ABCC5: variants seen among roughly 807,000 people sequenced by gnomAD.
ABCC5 encodes ATP-binding cassette sub-family C member 5.
ABCC5 carries 61 observed loss-of-function variants against 160.9 expected under a neutral mutation model. That is an observed-to-expected ratio of 0.38 (90% CI 0.31 to 0.47). The LOEUF (loss-of-function observed/expected upper bound fraction) is 0.47. Ranked by LOEUF, ABCC5 falls within the 20% of genes least tolerant of loss-of-function variation. The pLI, the probability that ABCC5 is intolerant of heterozygous loss-of-function variation, is 0.99. For synonymous variants in ABCC5, 666 were observed against 700.6 expected, an observed-to-expected ratio of 0.95 and a Z score of 0.78; for missense variants, 1,308 against 1,813.3, an observed-to-expected ratio of 0.72 and a Z score of 5.06.
chr3:183,986,583 A>G (rs930260863), intron 5 of ABCC5: 6 of 152,214 alleles, frequency 3.9e-5, no homozygotes, highest in Non-Finnish European at 8.8e-5. Context: ...AGGGGAGCCA[A>G]TGAAGTTCTT....
At chr3:184,014,092 C>T (rs1234499859) in intron 2 of ABCC5, among the ~76,000 whole-genome samples, 172 bp downstream of exon 2, 1 of 152,118 alleles carries the variant, frequency 6.6e-6, no homozygotes, top group Non-Finnish European at 1.5e-5. Context: ...AGGCTGGTCT[C>T]GAACTCCTGA....
chr3:183,972,168 T>C, intron 10 of ABCC5: 1 of 684,388 alleles, frequency 1.5e-6, no homozygotes, highest in South Asian at 1.5e-5. Flanking sequence ...AATTACATGC[T>C]AAACTGCCTT....
Position 183,947,464 on chromosome 3 carries a change from T to TA in ABCC5, c.3273dup (p.Thr1092TyrfsTer61). The TA allele has an allele frequency of 6.2e-7, 1 of 1,605,274 alleles. No homozygotes were observed. Among genetic ancestry groups the TA allele is most frequent in the Admixed American group, 1.7e-5 (1 of 58,404 alleles). On this transcript the variant is annotated frameshift_variant, in exon 23 of 30. Transcript: ENST00000334444. LOFTEE classifies it high-confidence loss of function. ...ACAGCCAGCCACCGCATCGCACACG[T>TA]AAACAAAAAAAAAGGAGCTTGGTTG...
intron 8 of ABCC5, among the ~76,000 whole-genome samples, chr3:183,980,002 A>G (rs1479716673): frequency 6.6e-6 from 1 of 151,772 alleles, no homozygotes; most frequent in Admixed American, 6.6e-5. Context: ...CGGCCTCTTG[A>G]GTAGCTAGGA....
At chr3:183,954,030 A>G (rs1259324742) in intron 17 of ABCC5, among the ~76,000 whole-genome samples, 1 of 152,192 alleles carries the variant, frequency 6.6e-6, no homozygotes, top group Admixed American at 6.5e-5. Context: ...AGCCTCTTTC[A>G]TGCCTCCTGT....
In ABCC5 at chr3:183,978,669, GC is replaced by G; in HGVS notation, c.1148-19del. The G allele has an allele frequency of 6.2e-7, 1 of 1,610,580 alleles. No homozygotes were observed. Among genetic ancestry groups the G allele is most frequent in the Non-Finnish European group, 8.5e-7 (1 of 1,178,326 alleles). On this transcript the variant is annotated intron_variant, in intron 8 of 29. Coordinates refer to ENST00000334444, the MANE Select transcript of ABCC5 (RefSeq NM_005688.4). ...GCGGATTTCTATGAATAAAAAGCAA[GC>G]CAATTTCAAAGCAAGTTAAAAGAAG...
At chr3:183,948,311 C>T (rs761442872) in intron 22 of ABCC5, among the ~76,000 whole-genome samples, 7 of 148,468 alleles carry the variant, frequency 4.7e-5, no homozygotes, top group Non-Finnish European at 1.0e-4. Context: ...TCTCATCACC[C>T]TGTTAAAACC....
intron 2 of ABCC5, among the ~76,000 whole-genome samples, chr3:184,000,138 C>T (rs969427337): frequency 3.3e-5 from 5 of 151,826 alleles, no homozygotes; most frequent in Non-Finnish European, 5.9e-5. Context: ...GCGGGCAGAT[C>T]GCTTGAGCCT....
At chr3:183,964,332 C>A (rs1717033591) in intron 14 of ABCC5, among the ~76,000 whole-genome samples, 1 of 152,206 alleles carries the variant, frequency 6.6e-6, no homozygotes. Context: ...CTGCACATGT[C>A]ACTGGCACAT....
In ABCC5 at chr3:183,963,654, C is replaced by T. The variant is rs571044449; in HGVS notation, c.2032-66G>A. 1,192 of 1,513,896 alleles carry T rather than the reference C, an allele frequency of 7.9e-4. 1 individual carries two copies. The highest frequency in any genetic ancestry group is 9.2e-4 in the Non-Finnish European group (1,015 of 1,104,834). 93.8% of individuals were successfully genotyped at this position (1,513,896 alleles called of 1,614,324 possible). ...TCCAGAACAGCGTGGAGGGGTCACC[C>T]AGTCACTTCTCTTCTTGCCCACCCA... On this transcript the variant is annotated intron_variant, in intron 14 of 29. Transcript: ENST00000334444. The surrounding 1 kb of genome is among the most constrained non-coding windows in gnomAD (Gnocchi z 4.6).
intron 2 of ABCC5, among the ~76,000 whole-genome samples, chr3:184,002,975 C>T (rs923674482): frequency 3.3e-5 from 5 of 152,160 alleles, no homozygotes; most frequent in Admixed American, 1.3e-4. Flanking sequence ...GGGGCACAAT[C>T]GGAATCAACA....
intron 15 of ABCC5, among the ~76,000 whole-genome samples, chr3:183,962,465 T>C (rs769828283): frequency 2.6e-5 from 4 of 151,802 alleles, no homozygotes; most frequent in Non-Finnish European, 5.9e-5. Flanking sequence ...GTGCCAACAC[T>C]GAGAACCCCA....
Position 183,921,264 on chromosome 3 carries a change from G to T in ABCC5, c.*36C>A. The T allele has an allele frequency of 7.8e-7, 1 of 1,280,656 alleles. No individual in the cohort carries two copies. The highest frequency in any genetic ancestry group is 1.1e-6 in the Non-Finnish European group (1 of 889,960). The allele number at this position is 1,280,656 out of a possible 1,614,324, so 79.3% of individuals were successfully genotyped here. On this transcript the variant is annotated 3_prime_UTR_variant, in exon 30 of 30. Transcript: ENST00000334444. This position sits in a 1 kb window ranked among gnomAD's most constrained non-coding sequence, Gnocchi z 4.1. ...CCCGCCCCAGGCAGGGAATGGCAAT[G>T]CTCTAAAGAAAAGAGACTTCGTCAA...
rs867110191 is a variant in ABCC5 at position 183,951,777 on chromosome 3, G to A, written c.2814+80C>T. On this transcript the variant is annotated intron_variant, in intron 19 of 29. Transcript: ENST00000334444. The surrounding 1 kb of genome is among the most constrained non-coding windows in gnomAD (Gnocchi z 4.7). ...CTGGTTAAGGGAGCTCCCCTACTCA[G>A]CATGAACTGAGAGACGCCACACCAA... 1.5e-4 allele frequency: 227 copies of A among 1,560,354 alleles called. No homozygotes were observed. The Middle Eastern group carries it at 7.5e-3, about 52-fold the overall frequency.
chr3:183,956,040 A>G lies in ABCC5; in HGVS notation c.2483-2770T>C, dbSNP rs368299373. The stretch of plus-strand genomic sequence containing the variant: ...TGTTCATCCATGTGTATATCACATC[A>G]GTTACATGCAGATCCGTGTGTATAT... On this transcript the variant is annotated intron_variant, in intron 17 of 29. Coordinates refer to ENST00000334444, the MANE Select transcript of ABCC5 (RefSeq NM_005688.4). Among the ~76,000 whole-genome samples the G allele has an allele frequency of 1.2e-3, 144 of 122,694 alleles. 20 individuals are homozygous for G. Among genetic ancestry groups the G allele is most frequent in the Admixed American group, 3.4e-3 (39 of 11,560 alleles). 80.5% of individuals were successfully genotyped at this position (122,694 alleles called of 152,430 possible).
Position 183,989,663 on chromosome 3 carries a change from C to A in ABCC5, c.130-280G>T, listed in dbSNP as rs538624891. Among the ~76,000 whole-genome samples, 9 of 151,096 alleles carry A rather than the reference C, an allele frequency of 6.0e-5. No individual in the cohort carries two copies. The South Asian group carries it at 1.9e-3, about 32-fold the overall frequency. ...AGATAGTACAGAATGCTCCCATATA[C>A]CTCTGTACCTCTCCCGTCCTCCTCA... On this transcript the variant is annotated intron_variant, in intron 2 of 29. Transcript: ENST00000334444.
intron 25 of ABCC5, among the ~76,000 whole-genome samples, chr3:183,940,495 A>C (rs550485525): frequency 7.0e-6 from 1 of 142,820 alleles, no homozygotes; most frequent in African/African-American, 2.6e-5. Flanking sequence ...AAAATGAATG[A>C]CTCTGTTCAG....
chr3:183,927,239 G>T, intron 28 of ABCC5, 91 bp downstream of exon 28: 1 of 1,305,280 alleles, frequency 7.7e-7, no homozygotes, highest in Non-Finnish European at 1.1e-6. Flanking sequence ...AGGGATCAGA[G>T]CCAGGAATAC....
chr3:183,966,700 C>T (rs1717249341), intron 12 of ABCC5, among the ~76,000 whole-genome samples: 1 of 152,090 alleles, frequency 6.6e-6, no homozygotes, highest in Admixed American at 6.5e-5. Context: ...AATGGCTGGG[C>T]CCAGCCACTG....
Sources: allele counts gnomAD v4.1 joint callset (sites outside exome capture counted in the v4.1 genomes callset), GRCh38; gene constraint gnomAD v4.1.1; non-coding constraint Gnocchi (gnomAD v3.1); transcripts MANE v1.5; gene names NCBI Gene and HGNC (gene_info 2026-07-23, HGNC 2026-07-21).